ANO6: variants seen among roughly 807,000 people sequenced by gnomAD.
ANO6 encodes the protein anoctamin 6, also known as anoctamin-6.
Under a neutral mutation model 117.5 loss-of-function variants are expected in ANO6, and 106 were observed. That is an observed-to-expected ratio of 0.90 (90% CI 0.77 to 1.06). The LOEUF (loss-of-function observed/expected upper bound fraction) is 1.06, where lower values mean the gene tolerates loss of function less well. Among genes scored for constraint, ANO6 ranks in the 50% least tolerant of loss-of-function variants. The pLI, the probability that ANO6 is intolerant of heterozygous loss-of-function variation, is 0.00. For synonymous variants in ANO6, 367 were observed against 385.1 expected, an observed-to-expected ratio of 0.95 and a Z score of 0.55; for missense variants, 955 against 1,121.1, an observed-to-expected ratio of 0.85 and a Z score of 2.12.
At chr12:45,436,842 A>T (rs1943712716), downstream of ANO6, among the ~76,000 whole-genome samples, 1 of 152,080 alleles carries the variant, frequency 6.6e-6, no homozygotes, top group Non-Finnish European at 1.5e-5. Flanking sequence ...GGTGGCAGGC[A>T]CCTGTAATCT....
intron 2 of ANO6, among the ~76,000 whole-genome samples, chr12:45,321,618 A>G (rs1178203831): frequency 1.3e-5 from 2 of 152,166 alleles, no homozygotes; most frequent in Non-Finnish European, 2.9e-5. Flanking sequence ...AAATGTTGTC[A>G]GTTGTTTTCC....
intron 10 of ANO6, 93 bp downstream of exon 10, chr12:45,378,206 A>G (rs1942081251): frequency 7.9e-7 from 1 of 1,262,044 alleles, no homozygotes; most frequent in South Asian, 1.3e-5. Context: ...AGGATCTTGT[A>G]TTGCCCAGGC....
At chr12:45,299,911 G>A (rs73281453) in intron 1 of ANO6, among the ~76,000 whole-genome samples, 2,387 of 152,202 alleles carry the variant, frequency 0.016, 53 homozygotes, top group African/African-American at 0.053. Context: ...ATTTCTTAGT[G>A]AGGTGCCAAA....
chr12:45,425,524 C>CGAGAATGG (rs1220846834), intron 19 of ANO6, among the ~76,000 whole-genome samples: 2 of 152,044 alleles, frequency 1.3e-5, no homozygotes, highest in African/African-American at 4.8e-5. Context: ...AAAACTAAGG[C>CGAGAATGG]GAGAATGGGA....
intron 8 of ANO6, among the ~76,000 whole-genome samples, chr12:45,365,247 G>A (rs1240842188): frequency 6.6e-6 from 1 of 152,182 alleles, no homozygotes; most frequent in Non-Finnish European, 1.5e-5. Flanking sequence ...TCAGCCAGAG[G>A]TAAGGGATTA....
chr12:45,224,953 G>A (rs907708590), intron 1 of ANO6, among the ~76,000 whole-genome samples: 2 of 152,112 alleles, frequency 1.3e-5, no homozygotes. Flanking sequence ...CACTTTGGGA[G>A]GCCAAGGTGG....
chr12:45,265,870 T>A (rs927135577), intron 1 of ANO6, among the ~76,000 whole-genome samples: 1 of 152,202 alleles, frequency 6.6e-6, no homozygotes, highest in South Asian at 2.1e-4. Context: ...ATGCTGTGTG[T>A]TCACCTGTTT....
chr12:45,322,852 T>C (rs905842527), intron 2 of ANO6, among the ~76,000 whole-genome samples: 5 of 152,174 alleles, frequency 3.3e-5, no homozygotes, highest in Admixed American at 2.6e-4. Flanking sequence ...TTGGGTGCTT[T>C]TATATATGGT....
intron 2 of ANO6, among the ~76,000 whole-genome samples, chr12:45,317,881 A>C (rs1356310382): frequency 6.6e-6 from 1 of 152,184 alleles, no homozygotes; most frequent in Non-Finnish European, 1.5e-5. Flanking sequence ...AGTGATGATG[A>C]GCATTTTTTC....
At chr12:45,376,889 G>A (rs78514671) in intron 9 of ANO6, among the ~76,000 whole-genome samples, 1,479 of 110,954 alleles carry the variant, frequency 0.013, 27 homozygotes, top group African/African-American at 0.058. Context: ...AAAAAAAAAA[G>A]AAGAAGAATG....
intron 1 of ANO6, among the ~76,000 whole-genome samples, chr12:45,228,965 T>G (rs1947530947): frequency 6.6e-6 from 1 of 152,128 alleles, no homozygotes; most frequent in Non-Finnish European, 1.5e-5. Flanking sequence ...AATGCTGTGG[T>G]AATCTATAGC....
downstream of ANO6, among the ~76,000 whole-genome samples, chr12:45,433,834 G>A (rs188109115): frequency 4.4e-3 from 666 of 152,266 alleles, 8 homozygotes; most frequent in Non-Finnish European, 4.7e-3. Flanking sequence ...ATAAATGAAG[G>A]GGAAATCCTA....
In ANO6 at chr12:45,284,784, G is replaced by A. The variant is rs896153591; in HGVS notation, c.71-17230G>A. ...TAAATGATAGTTATTATGTGTGAAA[G>A]TCTGATGCCTGTATAAATTTGGCGC... is the stretch of plus-strand genomic sequence containing the variant. On this transcript the variant is annotated intron_variant, in intron 1 of 19. Coordinates refer to ENST00000320560, the MANE Select transcript of ANO6 (RefSeq NM_001025356.3). Among the ~76,000 whole-genome samples the A allele has an allele frequency of 2.0e-5, 3 of 152,334 alleles. No homozygotes were observed. The South Asian group carries it at 6.2e-4, about 32-fold the overall frequency.
chr12:45,247,496 C>T (rs1592867626), intron 1 of ANO6, among the ~76,000 whole-genome samples: 1 of 152,162 alleles, frequency 6.6e-6, no homozygotes, highest in Admixed American at 6.5e-5. Context: ...AGGATTGGAA[C>T]TTAGGCTGAA....
chr12:45,230,101 C>T (rs963651263), intron 1 of ANO6, among the ~76,000 whole-genome samples: 2 of 152,066 alleles, frequency 1.3e-5, no homozygotes, highest in Non-Finnish European at 2.9e-5. Context: ...TTTCGCCTTT[C>T]CCCCAAGGCT....
At chr12:45,278,838 T>C (rs888534876) in intron 1 of ANO6, among the ~76,000 whole-genome samples, 1 of 152,198 alleles carries the variant, frequency 6.6e-6, no homozygotes, top group Non-Finnish European at 1.5e-5. Context: ...TTGGCAATTA[T>C]GCACTTCACT....
At chr12:45,368,388 A>C (rs1481233112) in intron 9 of ANO6, among the ~76,000 whole-genome samples, 2 of 152,254 alleles carry the variant, frequency 1.3e-5, no homozygotes, top group African/African-American at 4.8e-5. Context: ...ACATATGCCA[A>C]AACTATGCTT....
chr12:45,385,362 T>C (rs960805696), intron 10 of ANO6, among the ~76,000 whole-genome samples: 7 of 151,994 alleles, frequency 4.6e-5, no homozygotes, highest in African/African-American at 1.7e-4. Flanking sequence ...CTGAGGGAGC[T>C]TCAGGGGTGG....
chr12:45,411,907 G>A (rs1943095767), intron 16 of ANO6, among the ~76,000 whole-genome samples: 1 of 152,130 alleles, frequency 6.6e-6, no homozygotes, highest in African/African-American at 2.4e-5. Flanking sequence ...TGCGTCCTCT[G>A]CTAGAGCGCC....
Sources: gnomAD v4.1 joint callset for allele counts (sites outside exome capture counted in the v4.1 genomes callset) on GRCh38, gnomAD v4.1.1 for gene constraint, MANE v1.5 for transcripts, NCBI Gene and HGNC (gene_info 2026-07-23, HGNC 2026-07-21) for gene names.